The following CACNA2D1 variants were observed in gnomAD, a reference collection of about 807,000 sequenced individuals.
The protein encoded by CACNA2D1 is voltage-dependent calcium channel subunit alpha-2/delta-1.
CACNA2D1 carries 53 observed loss-of-function variants against 171.5 expected under a neutral mutation model. That is an observed-to-expected ratio of 0.31 (90% CI 0.25 to 0.39). CACNA2D1 has a LOEUF of 0.39. CACNA2D1 is among the 10% of genes least tolerant of loss of function. The pLI is 1.00. For synonymous variants in CACNA2D1, 442 were observed against 443.1 expected (o/e 1.00, Z 0.03); for missense variants, 903 against 1,299.8 (o/e 0.69, Z 4.69).
intron 30 of CACNA2D1, 115 bp from the exon 31 acceptor site, chr7:81,967,322 T>A: frequency 1.1e-6 from 1 of 899,122 alleles, no homozygotes; most frequent in Non-Finnish European, 1.8e-6. Flanking sequence ...AAAATAAGAT[T>A]AAACAGTCTA....
rs17155967 is a variant in CACNA2D1 at position 82,170,650 on chromosome 7, G to A, written c.295-41C>T. ...TAAATCTTAGAATTCAAATGAACAC[G>A]TAATATGGAATTGTTATATAAAATG... On this transcript the variant is annotated intron_variant, in intron 3 of 38. Coordinates refer to ENST00000356860, the MANE Select transcript of CACNA2D1 (RefSeq NM_000722.4). 38,314 of 1,556,400 alleles carry A rather than the reference G, an allele frequency of 0.025. 576 individuals carry two copies. Among genetic ancestry groups the A allele is most frequent in the Middle Eastern group, 0.046 (273 of 5,964 alleles).
intron 26 of CACNA2D1, among the ~76,000 whole-genome samples, chr7:81,971,321 G>A (rs1292854425): frequency 6.6e-6 from 1 of 151,604 alleles, no homozygotes; most frequent in African/African-American, 2.4e-5. Flanking sequence ...TTAGAAATGG[G>A]ATCTTAGGGC....
intron 1 of CACNA2D1, among the ~76,000 whole-genome samples, chr7:82,413,461 C>A (rs964573062): frequency 3.3e-5 from 5 of 152,182 alleles, no homozygotes; most frequent in African/African-American, 1.2e-4. Flanking sequence ...CCTGGGGAGC[C>A]CCAGGACAAT....
chr7:82,070,990 G>A (rs1486088369), intron 7 of CACNA2D1, among the ~76,000 whole-genome samples: 3 of 152,058 alleles, frequency 2.0e-5, no homozygotes, highest in Non-Finnish European at 4.4e-5. Context: ...ATTATTTCTA[G>A]ACTAAATTTT....
rs139214845 is a variant in CACNA2D1 at position 82,384,695 on chromosome 7, A to G, written c.96-35046T>C. Among the ~76,000 whole-genome samples the G allele has an allele frequency of 1.2e-3, 177 of 152,330 alleles. 3 individuals carry two copies. The highest frequency in any genetic ancestry group is 3.8e-3 in the African/African-American group (159 of 41,590). On this transcript the variant is annotated intron_variant, in intron 1 of 38. Coordinates refer to ENST00000356860, the MANE Select transcript of CACNA2D1 (RefSeq NM_000722.4). ...GAAAGAACTTGTTTTATAATGTGAAATAAACATTTTGTTAAATGCTAAGGA... is the reference window on the plus strand; with the variant it reads ...GAAAGAACTTGTTTTATAATGTGAAGTAAACATTTTGTTAAATGCTAAGGA...
In CACNA2D1 at chr7:82,099,746, G is replaced by A. The variant is rs1194758499; in HGVS notation, c.527-14846C>T. ...TTACAGGCGTGAGCCACCGCGCCCGGCCGCAATACCTTCTTAAACAGGAAG... is the reference window on the plus strand; with the variant it reads ...TTACAGGCGTGAGCCACCGCGCCCGACCGCAATACCTTCTTAAACAGGAAG... On this transcript the variant is annotated intron_variant, in intron 6 of 38. Transcript: ENST00000356860. Among the ~76,000 whole-genome samples the A allele has an allele frequency of 1.3e-5, 2 of 151,566 alleles. 1 individual carries two copies. Among genetic ancestry groups the A allele is most frequent in the Non-Finnish European group, 2.9e-5 (2 of 67,816 alleles).
At chr7:82,327,782 GTGT>G (rs1408419746) in intron 3 of CACNA2D1, among the ~76,000 whole-genome samples, 1 of 152,124 alleles carries the variant, frequency 6.6e-6, no homozygotes, top group Non-Finnish European at 1.5e-5. Context: ...CTATAATTAT[GTGT>G]TGTTACTCTC....
intron 19 of CACNA2D1, among the ~76,000 whole-genome samples, chr7:81,995,555 T>C (rs1280795711): frequency 2.6e-5 from 4 of 152,032 alleles, no homozygotes; most frequent in Non-Finnish European, 5.9e-5. Flanking sequence ...TTCCAGCACT[T>C]TGGGAGGCCG....
In CACNA2D1 at chr7:82,167,589, G is replaced by A. The variant is rs117456526; in HGVS notation, c.354+2961C>T. On this transcript the variant is annotated intron_variant, in intron 4 of 38. Transcript: ENST00000356860. ...TCTATCACTCTATGGCATTTCAAAG[G>A]GAAGGGCTATCATAAAGACTATGTA... Among the ~76,000 whole-genome samples the A allele has an allele frequency of 3.5e-4, 53 of 152,162 alleles. 2 individuals carry two copies. The South Asian group carries it at 5.2e-3, about 15-fold the overall frequency.
chr7:81,958,236 C>T (rs1057045578), intron 38 of CACNA2D1, among the ~76,000 whole-genome samples: 2 of 151,940 alleles, frequency 1.3e-5, no homozygotes, highest in Non-Finnish European at 2.9e-5. Context: ...TTTATTACTT[C>T]TTTGTGCTAT....
At chr7:82,016,019 A>T (rs1800400239) in intron 12 of CACNA2D1, among the ~76,000 whole-genome samples, 1 of 152,214 alleles carries the variant, frequency 6.6e-6, no homozygotes, top group Non-Finnish European at 1.5e-5. Flanking sequence ...AACTGTAAGA[A>T]TAAATAATTG....
chr7:81,982,649 A>C, intron 23 of CACNA2D1, 22 bp from the exon 24 acceptor site: 1 of 1,451,872 alleles, frequency 6.9e-7, no homozygotes, highest in Non-Finnish European at 9.7e-7. Flanking sequence ...ATGTTACAGG[A>C]TTAGATAGGT....
rs71557111 is a variant in CACNA2D1, at chr7:82,052,794, T to C, written c.879+7634A>G. On this transcript the variant is annotated intron_variant, in intron 10 of 38. Coordinates refer to ENST00000356860, the MANE Select transcript of CACNA2D1 (RefSeq NM_000722.4). ...TTTTGGTTAAATCTAGAATCATGAA[T>C]GAAGATGGCTACACTCCAGTTCTTT... Among the ~76,000 whole-genome samples the C allele has an allele frequency of 2.4e-3, 366 of 152,334 alleles. 1 individual carries two copies. Among genetic ancestry groups the C allele is most frequent in the Non-Finnish European group, 4.3e-3 (292 of 68,026 alleles).
chr7:82,155,751 CAA>C (rs892969537), intron 4 of CACNA2D1, among the ~76,000 whole-genome samples: 2 of 151,900 alleles, frequency 1.3e-5, no homozygotes, highest in African/African-American at 2.4e-5. Context: ...TAAAAAATGA[CAA>C]AGAGTGAAAA....
intron 3 of CACNA2D1, among the ~76,000 whole-genome samples, chr7:82,231,655 C>T (rs1276707847): frequency 6.6e-6 from 1 of 152,060 alleles, no homozygotes; most frequent in East Asian, 1.9e-4. Context: ...TTTTTAAAAA[C>T]TGCCCTTACA....
chr7:82,139,325 T>A (rs1282276975), intron 4 of CACNA2D1, among the ~76,000 whole-genome samples: 1 of 152,222 alleles, frequency 6.6e-6, no homozygotes, highest in Non-Finnish European at 1.5e-5. Context: ...CAAGTATGAT[T>A]TTTTAAGTGC....
chr7:82,332,430 C>T (rs1307890310), intron 3 of CACNA2D1, among the ~76,000 whole-genome samples: 2 of 151,544 alleles, frequency 1.3e-5, no homozygotes, highest in Non-Finnish European at 2.9e-5. Context: ...AACATACCTG[C>T]TACACTACAA....
intron 18 of CACNA2D1, among the ~76,000 whole-genome samples, 170 bp from the exon 19 acceptor site, chr7:81,997,420 T>C (rs1481489675): frequency 3.3e-5 from 5 of 151,038 alleles, no homozygotes; most frequent in African/African-American, 4.9e-5. Context: ...AGCTTATATA[T>C]AAAAGCTAGA....
intron 24 of CACNA2D1, among the ~76,000 whole-genome samples, chr7:81,976,848 G>C (rs37079): frequency 0.76 from 115,618 of 152,058 alleles, 44,043 homozygotes; most frequent in African/African-American, 0.79. Context: ...AAGCGAGACT[G>C]TATCTCAAAA....
Sources: gnomAD v4.1 joint callset for allele counts (sites outside exome capture counted in the v4.1 genomes callset) on GRCh38, gnomAD v4.1.1 for gene constraint, MANE v1.5 for transcripts, NCBI Gene and HGNC (gene_info 2026-07-23, HGNC 2026-07-21) for gene names.